RASSF6: variants seen among roughly 807,000 people sequenced by gnomAD.
RASSF6 encodes the protein Ras association domain family member 6.
A neutral mutation model predicts 44.0 loss-of-function variants in RASSF6; 52 were observed. The observed-to-expected ratio is 1.18, with a 90% CI of 0.95 to 1.49. The LOEUF is 1.49. RASSF6 is among the 40% of genes most tolerant of loss of function. RASSF6 has a pLI of 0.00. For synonymous variants in RASSF6, 162 were observed against 124.6 expected (o/e 1.30, Z -2.00); for missense variants, 464 against 393.3 (o/e 1.18, Z -1.52).
intron 8 of RASSF6, among the ~76,000 whole-genome samples, chr4:73,580,367 T>G (rs1201687717): frequency 2.7e-5 from 4 of 149,360 alleles, no homozygotes; most frequent in African/African-American, 9.8e-5. Flanking sequence ...GCATGATTTA[T>G]AGTCCTTTGG....
chr4:73,586,628 T>C (rs1724116543), intron 5 of RASSF6, among the ~76,000 whole-genome samples: 1 of 152,052 alleles, frequency 6.6e-6, no homozygotes, highest in South Asian at 2.1e-4. Context: ...AAAAATTTTC[T>C]ACTGTAATTA....
chr4:73,577,674 T>C (rs958841863), intron 8 of RASSF6, among the ~76,000 whole-genome samples: 1 of 152,204 alleles, frequency 6.6e-6, no homozygotes, highest in African/African-American at 2.4e-5. Context: ...TCTGAAGCAG[T>C]TGGGAGCCTT....
rs1260079058 is a variant in RASSF6, at chr4:73,581,808, C to A, written c.721+9G>T. On this transcript the variant is annotated intron_variant, in intron 8 of 10. Coordinates refer to ENST00000307439, the MANE Select transcript of RASSF6 (RefSeq NM_177532.5). ...GAGTCAGGTAAAAAGTGTGATCAAG[C>A]TTTCTTACCTCCTGTTGCAAAAATA... 1 of 1,598,398 alleles carries A rather than the reference C, an allele frequency of 6.3e-7. No homozygotes were observed. Among genetic ancestry groups the A allele is most frequent in the Non-Finnish European group, 8.6e-7 (1 of 1,166,288 alleles).
At chr4:73,590,355 C>G (rs1164062675) in intron 4 of RASSF6, among the ~76,000 whole-genome samples, 1 of 152,164 alleles carries the variant, frequency 6.6e-6, no homozygotes, top group Non-Finnish European at 1.5e-5. Context: ...GTTCTATTGT[C>G]ATTTACCCCA....
chr4:73,588,785 C>CATCATCATCATT (rs1724301769), intron 4 of RASSF6, among the ~76,000 whole-genome samples: 1 of 149,750 alleles, frequency 6.7e-6, no homozygotes, highest in East Asian at 2.0e-4. Context: ...TCTCCATTGT[C>CATCATCATCATT]ATCATCATCA....
intron 1 of RASSF6, among the ~76,000 whole-genome samples, chr4:73,613,016 A>T (rs1279418958): frequency 6.6e-6 from 1 of 152,130 alleles, no homozygotes; most frequent in East Asian, 1.9e-4. Context: ...AGGTCCAGAT[A>T]TCTGGTCCCT....
At chr4:73,607,784 A>T (rs1488888809) in intron 2 of RASSF6, among the ~76,000 whole-genome samples, 2 of 152,054 alleles carry the variant, frequency 1.3e-5, no homozygotes, top group Non-Finnish European at 2.9e-5. Context: ...ACAGCTTCAG[A>T]TTGCAAGCTC....
chr4:73,619,442 C>T (rs1726561563), intron 1 of RASSF6, among the ~76,000 whole-genome samples: 1 of 152,232 alleles, frequency 6.6e-6, no homozygotes, highest in Non-Finnish European at 1.5e-5. Context: ...CTAATACACA[C>T]TGTCTGGTCT....
intron 3 of RASSF6, among the ~76,000 whole-genome samples, chr4:73,597,594 C>T (rs1389257645): frequency 2.6e-5 from 4 of 152,078 alleles, no homozygotes; most frequent in African/African-American, 9.7e-5. Context: ...ACAGAAACAC[C>T]ATTTGACCCA....
chr4:73,578,090 A>G (rs1723359883), intron 8 of RASSF6, among the ~76,000 whole-genome samples: 2 of 151,684 alleles, frequency 1.3e-5, no homozygotes, highest in South Asian at 4.2e-4. Flanking sequence ...AAAATATAAA[A>G]GAAAATGGGA....
intron 2 of RASSF6, among the ~76,000 whole-genome samples, chr4:73,606,311 G>A (rs892791998): frequency 6.6e-6 from 1 of 152,176 alleles, no homozygotes; most frequent in East Asian, 1.9e-4. Context: ...AACTAATAGA[G>A]AAACAGAAAA....
chr4:73,575,156 A>C lies in RASSF6; in HGVS notation c.*1079T>G, dbSNP rs1284684923. The C allele has an allele frequency of 6.6e-6, 1 of 152,224 alleles. No homozygotes were observed. 9.4% of individuals were successfully genotyped at this position (152,224 alleles called of 1,614,324 possible). A position where few individuals can be genotyped will look rare whatever the true frequency, so the allele number is the denominator to read the frequency against. On this transcript the variant is annotated 3_prime_UTR_variant, in exon 11 of 11. Coordinates refer to ENST00000307439, the MANE Select transcript of RASSF6 (RefSeq NM_177532.5). The stretch of plus-strand genomic sequence containing the variant: ...ATAATCTCATTCCTTAGTACATGTA[A>C]TATGATCAATTTACTACAATGCTTA...
rs187506467 is a variant in RASSF6 at position 73,613,078 on chromosome 4, A to C, written c.-34-1249T>G. On this transcript the variant is annotated intron_variant, in intron 1 of 10. Transcript: ENST00000307439. ...GTCTCCCCATGTCCTTTGAATCCACACTGTTGTCATCATTCTGCTTTCTAC... is the reference window on the plus strand; with the variant it reads ...GTCTCCCCATGTCCTTTGAATCCACCCTGTTGTCATCATTCTGCTTTCTAC... 2.6e-5 allele frequency among the ~76,000 whole-genome samples: 4 copies of C among 152,076 alleles called. No individual in the cohort carries two copies. The East Asian group carries it at 7.8e-4, about 29-fold the overall frequency.
chr4:73,582,439 T>A (rs1459715915), intron 6 of RASSF6, 149 bp from the exon 7 acceptor site: 3 of 450,748 alleles, frequency 6.7e-6, no homozygotes, highest in Non-Finnish European at 1.2e-5. Context: ...TTCTTTGTTG[T>A]TTTTGAATAT....
intron 1 of RASSF6, chr4:73,616,030 A>G: frequency 8.8e-7 from 1 of 1,140,578 alleles, no homozygotes; most frequent in South Asian, 1.4e-5. Flanking sequence ...CTAAAAGTGG[A>G]AAATTGGGTT....
chr4:73,592,729 C>A (rs953554415), intron 4 of RASSF6, among the ~76,000 whole-genome samples: 8 of 152,136 alleles, frequency 5.3e-5, no homozygotes, highest in Non-Finnish European at 8.8e-5. Context: ...GTAGAAAGCA[C>A]AATGAGCCCT....
In RASSF6 at chr4:73,574,339, T is replaced by C; in HGVS notation, c.*1896A>G. On this transcript the variant is annotated 3_prime_UTR_variant, in exon 11 of 11. Coordinates refer to ENST00000307439, the MANE Select transcript of RASSF6 (RefSeq NM_177532.5). Reference sequence around the variant, plus strand: ...CGTGACTCCTTCTTTGTGCTTACCCTTTGGCAAAGCCCCAAGTCCCTCTGC... The same window carrying C: ...CGTGACTCCTTCTTTGTGCTTACCCCTTGGCAAAGCCCCAAGTCCCTCTGC... The C allele has an allele frequency of 6.6e-6, 1 of 152,638 alleles. No homozygotes were observed. The highest frequency in any genetic ancestry group is 1.5e-5 in the Non-Finnish European group (1 of 68,256). The allele number at this position is 152,638 out of a possible 1,614,324, so 9.5% of individuals were successfully genotyped here.
At chr4:73,582,042 G>A (rs1193728468) in intron 7 of RASSF6, 147 bp downstream of exon 7, 3 of 649,104 alleles carry the variant, frequency 4.6e-6, no homozygotes, top group Non-Finnish European at 5.3e-6. Flanking sequence ...TTACTAAAAG[G>A]TGTTATACAA....
intron 2 of RASSF6, among the ~76,000 whole-genome samples, chr4:73,610,098 G>C (rs1187598060): frequency 1.3e-5 from 2 of 152,082 alleles, no homozygotes; most frequent in Admixed American, 6.6e-5. Flanking sequence ...CTGCAAACCT[G>C]CTCCTCCTGT....
Sources: allele counts gnomAD v4.1 joint callset (sites outside exome capture counted in the v4.1 genomes callset), GRCh38; gene constraint gnomAD v4.1.1; transcripts MANE v1.5; gene names NCBI Gene and HGNC (gene_info 2026-07-23, HGNC 2026-07-21).